SPAG6: variants seen among roughly 807,000 people sequenced by gnomAD.
SPAG6 encodes the protein sperm associated antigen 6.
A neutral mutation model predicts 58.5 loss-of-function variants in SPAG6; 49 were observed. The ratio of observed to expected loss-of-function variants is 0.84; its 90% CI spans 0.67 to 1.06. SPAG6 has a LOEUF of 1.06. SPAG6 is among the 50% of genes least tolerant of loss of function. The pLI is 0.00. For missense variants in SPAG6, 560 were observed against 611.3 expected, an observed-to-expected ratio of 0.92 and a Z score of 0.89; for synonymous variants, 233 against 225.6, an observed-to-expected ratio of 1.03 and a Z score of -0.29.
chr10:22,408,717 G>A (rs1214269758), intron 9 of SPAG6, among the ~76,000 whole-genome samples: 4 of 152,204 alleles, frequency 2.6e-5, no homozygotes, highest in East Asian at 1.9e-4. Flanking sequence ...GGGCAATGGC[G>A]GGCGCCCCTC....
At chr10:22,362,587 GA>G (rs1021006007) in intron 2 of SPAG6, among the ~76,000 whole-genome samples, 1 of 151,624 alleles carries the variant, frequency 6.6e-6, no homozygotes, top group Non-Finnish European at 1.5e-5. Context: ...ACAAAAAAAT[GA>G]AAAAAATTAG....
At chr10:22,377,573 T>C (rs1027589799) in intron 4 of SPAG6, among the ~76,000 whole-genome samples, 9 of 152,208 alleles carry the variant, frequency 5.9e-5, no homozygotes, top group Non-Finnish European at 1.0e-4. Flanking sequence ...GCATATTTGC[T>C]CAGTGGGATA....
chr10:22,365,873 A>T (rs188078166), intron 3 of SPAG6, among the ~76,000 whole-genome samples: 1 of 152,314 alleles, frequency 6.6e-6, no homozygotes, highest in East Asian at 1.9e-4. Context: ...GTATCACTTC[A>T]TACCTTTTAG....
At chr10:22,371,462 C>T (rs1272480529) in intron 4 of SPAG6, among the ~76,000 whole-genome samples, 1 of 152,134 alleles carries the variant, frequency 6.6e-6, no homozygotes, top group African/African-American at 2.4e-5. Flanking sequence ...CCATGTTGGT[C>T]AGGCTGGTCT....
intron 9 of SPAG6, among the ~76,000 whole-genome samples, chr10:22,409,566 T>G (rs1834673096): frequency 1.3e-5 from 2 of 152,166 alleles, no homozygotes; most frequent in Admixed American, 6.5e-5. Flanking sequence ...GAGATAAACT[T>G]TTTTTAAAAG....
chr10:22,400,330 C>A (rs145606170), intron 8 of SPAG6, among the ~76,000 whole-genome samples: 1 of 151,894 alleles, frequency 6.6e-6, no homozygotes. Flanking sequence ...GGAGACAAAC[C>A]CAATTGTTGT....
At chr10:22,400,571 G>T (rs925188267) in intron 8 of SPAG6, among the ~76,000 whole-genome samples, 1 of 151,668 alleles carries the variant, frequency 6.6e-6, no homozygotes. Flanking sequence ...CACTCCCTGT[G>T]TTGAGAAGAT....
At chr10:22,414,801 T>C (rs980913732) in intron 10 of SPAG6, among the ~76,000 whole-genome samples, 30 of 152,334 alleles carry the variant, frequency 2.0e-4, no homozygotes, top group Middle Eastern at 3.4e-3. Context: ...AGTTTCACTC[T>C]TGTTGCCCAG....
chr10:22,407,693 A>G (rs2130634885), intron 9 of SPAG6, among the ~76,000 whole-genome samples: 1 of 152,212 alleles, frequency 6.6e-6, no homozygotes, highest in South Asian at 2.1e-4. Flanking sequence ...CTGCCTTGCT[A>G]GATTGGGGAA....
chr10:22,392,832 G>A (rs886187492), intron 8 of SPAG6, among the ~76,000 whole-genome samples: 9 of 152,034 alleles, frequency 5.9e-5, no homozygotes, highest in African/African-American at 1.7e-4. Flanking sequence ...TATTTGACTT[G>A]TAAATTTTAT....
At chr10:22,407,262 G>T (rs1588562181) in intron 9 of SPAG6, among the ~76,000 whole-genome samples, 1 of 152,052 alleles carries the variant, frequency 6.6e-6, no homozygotes, top group East Asian at 1.9e-4. Flanking sequence ...GCATGATTTT[G>T]CAGCAGCTGG....
At chr10:22,389,357 A>G in intron 7 of SPAG6, 45 bp downstream of exon 7, 2 of 1,578,446 alleles carry the variant, frequency 1.3e-6, no homozygotes, top group East Asian at 2.2e-5. Context: ...AAGAAATTCT[A>G]AGACAGAACC....
intron 2 of SPAG6, among the ~76,000 whole-genome samples, chr10:22,348,364 C>T (rs1836625478): frequency 1.3e-5 from 2 of 152,164 alleles, no homozygotes; most frequent in Admixed American, 6.5e-5. Flanking sequence ...TTAGAATGAG[C>T]CTCAGTATGT....
At chr10:22,356,776 C>G (rs1489445321) in intron 2 of SPAG6, among the ~76,000 whole-genome samples, 2 of 152,222 alleles carry the variant, frequency 1.3e-5, no homozygotes, top group African/African-American at 4.8e-5. Flanking sequence ...ATCTTCATAT[C>G]TGGCTCGGTA....
chr10:22,400,845 A>T (rs998788899), intron 8 of SPAG6, among the ~76,000 whole-genome samples: 2 of 152,086 alleles, frequency 1.3e-5, no homozygotes, highest in African/African-American at 4.8e-5. Flanking sequence ...ACAAATTTTT[A>T]CTCTAATATA....
At chr10:22,407,096 G>T (rs1834577512) in intron 9 of SPAG6, among the ~76,000 whole-genome samples, 1 of 151,834 alleles carries the variant, frequency 6.6e-6, no homozygotes, top group Admixed American at 6.6e-5. Context: ...TATCCAATTT[G>T]CCAGTCTGTG....
chr10:22,351,065 A>G (rs1360795326), intron 2 of SPAG6, among the ~76,000 whole-genome samples: 1 of 152,158 alleles, frequency 6.6e-6, no homozygotes, highest in Non-Finnish European at 1.5e-5. Flanking sequence ...TTCCTAATAA[A>G]CCTTGGTTTT....
At chr10:22,346,470 TTCTTCTTCTTCTTCTTCTTC>T (rs1490951744) in intron 2 of SPAG6, among the ~76,000 whole-genome samples, 1 of 140,718 alleles carries the variant, frequency 7.1e-6, no homozygotes, top group African/African-American at 3.1e-5. Flanking sequence ...CTTCTTCTTC[TTCTTCTTCTTCTTCTTCTTC>T]TTCTTCTTTC....
chr10:22,390,027 C>G (rs1264306915), intron 7 of SPAG6, among the ~76,000 whole-genome samples: 1 of 152,124 alleles, frequency 6.6e-6, no homozygotes, highest in Non-Finnish European at 1.5e-5. Context: ...GGTTTCTTAT[C>G]AGCATAGAAA....
Sources: gnomAD v4.1 joint callset for allele counts (sites outside exome capture counted in the v4.1 genomes callset) on GRCh38, gnomAD v4.1.1 for gene constraint, MANE v1.5 for transcripts, NCBI Gene and HGNC (gene_info 2026-07-23, HGNC 2026-07-21) for gene names.